The following IGF1R variants were observed in gnomAD, a reference collection of about 807,000 sequenced individuals.
The protein encoded by IGF1R is insulin-like growth factor 1 receptor.
A neutral mutation model predicts 144.6 loss-of-function variants in IGF1R; 44 were observed. That is an observed-to-expected ratio of 0.30 (90% CI 0.24 to 0.39). The LOEUF (loss-of-function observed/expected upper bound fraction) is 0.39, where lower values mean the gene tolerates loss of function less well. Ranked by LOEUF, IGF1R falls within the 10% of genes least tolerant of loss-of-function variation. The pLI is 1.00. For synonymous variants in IGF1R, 795 were observed against 722.8 expected (o/e 1.10, Z -1.60); for missense variants, 1,355 against 1,833.7 (o/e 0.74, Z 4.77).
intron 15 of IGF1R, among the ~76,000 whole-genome samples, chr15:98,933,499 A>G (rs1034254446): frequency 1.8e-4 from 28 of 151,806 alleles, no homozygotes; most frequent in Non-Finnish European, 3.8e-4. Flanking sequence ...GTGTGCCATC[A>G]CACCTGGCTA....
chr15:98,740,627 A>G (rs2054715765), intron 2 of IGF1R, among the ~76,000 whole-genome samples: 1 of 152,228 alleles, frequency 6.6e-6, no homozygotes, highest in Non-Finnish European at 1.5e-5. Flanking sequence ...GAAATGTTTT[A>G]TTAACAATAA....
At chr15:98,932,670 T>C (rs2015990134) in intron 15 of IGF1R, among the ~76,000 whole-genome samples, 1 of 152,208 alleles carries the variant, frequency 6.6e-6, no homozygotes, top group African/African-American at 2.4e-5. Flanking sequence ...CTGAGGCGCA[T>C]TGTGAAGAGC....
At chr15:98,761,770 T>A (rs1261971083) in intron 2 of IGF1R, among the ~76,000 whole-genome samples, 4 of 152,230 alleles carry the variant, frequency 2.6e-5, no homozygotes, top group Non-Finnish European at 4.4e-5. Context: ...CTCCATCCTT[T>A]CAGGTCCCAT....
intron 1 of IGF1R, among the ~76,000 whole-genome samples, chr15:98,650,469 C>A (rs1431891999): frequency 6.6e-6 from 1 of 152,222 alleles, no homozygotes; most frequent in Non-Finnish European, 1.5e-5. Context: ...GCCACTGGGT[C>A]CCCAGTTCAG....
intron 3 of IGF1R, among the ~76,000 whole-genome samples, chr15:98,892,015 G>A (rs1318275291): frequency 6.6e-6 from 1 of 152,162 alleles, no homozygotes. Flanking sequence ...GCCAGGTGAG[G>A]CTTTGGAAGT....
At position 98,916,811 on chromosome 15, in the gene IGF1R, G is replaced by A. The variant is rs2015273181; in HGVS notation, c.2136G>A (p.Glu712=). 20 of 1,614,000 alleles carry A rather than the reference G, an allele frequency of 1.2e-5. No individual in the cohort carries two copies. Among genetic ancestry groups the A allele is most frequent in the Non-Finnish European group, 1.5e-5 (18 of 1,180,044 alleles). ...CPKTEAEKQA[E]KEEAEYRKVF... is the part of the protein sequence containing the mutation. The stretch of plus-strand genomic sequence containing the variant: ...AAACTGAAGCCGAGAAGCAGGCCGA[G>A]AAGGAGGAGGCTGAATACCGCAAAG... Residue 712 remains glutamate, a synonymous_variant, in exon 10 of 21, where the codon GAG becomes GAA. Transcript: ENST00000650285.
chr15:98,725,752 T>C (rs2054342597), intron 2 of IGF1R, among the ~76,000 whole-genome samples: 1 of 152,222 alleles, frequency 6.6e-6, no homozygotes, highest in African/African-American at 2.4e-5. Flanking sequence ...AGGTTTTAAT[T>C]GGACTTACAA....
chr15:98,714,038 A>G (rs1260006626), intron 2 of IGF1R, among the ~76,000 whole-genome samples: 1 of 152,202 alleles, frequency 6.6e-6, no homozygotes, highest in African/African-American at 2.4e-5. Context: ...TTGCCCTCAA[A>G]ATGAGAAACC....
intron 2 of IGF1R, among the ~76,000 whole-genome samples, chr15:98,875,819 ACT>A (rs1329487053): frequency 2.0e-5 from 3 of 152,018 alleles, no homozygotes; most frequent in Middle Eastern, 3.4e-3. Flanking sequence ...CGGTGCTAGG[ACT>A]CTCTAAGCGT....
At chr15:98,671,752 T>TC (rs2052898660) in intron 1 of IGF1R, among the ~76,000 whole-genome samples, 1 of 152,174 alleles carries the variant, frequency 6.6e-6, no homozygotes, top group Admixed American at 6.6e-5. Context: ...TAGACTTTTT[T>TC]CTCTTTTGCT....
intron 1 of IGF1R, among the ~76,000 whole-genome samples, chr15:98,670,084 G>C (rs1054142044): frequency 6.6e-6 from 1 of 152,048 alleles, no homozygotes; most frequent in Non-Finnish European, 1.5e-5. Context: ...TTGGATGTTC[G>C]GGGACCTGCA....
chr15:98,723,313 C>G (rs1360270601), intron 2 of IGF1R, among the ~76,000 whole-genome samples: 1 of 152,188 alleles, frequency 6.6e-6, no homozygotes, highest in Non-Finnish European at 1.5e-5. Flanking sequence ...CTCCTTGTCT[C>G]TTCTGTCCTC....
At chr15:98,902,107 A>G (rs2014508984) in intron 5 of IGF1R, among the ~76,000 whole-genome samples, 1 of 152,042 alleles carries the variant, frequency 6.6e-6, no homozygotes, top group South Asian at 2.1e-4. Flanking sequence ...GCTACACATT[A>G]TGGAATCATT....
chr15:98,844,957 G>A (rs935685590), intron 2 of IGF1R, among the ~76,000 whole-genome samples: 11 of 152,122 alleles, frequency 7.2e-5, no homozygotes, highest in Admixed American at 7.2e-4. Context: ...AGACCTCTGA[G>A]ATAGCTGAGA....
At position 98,891,407 on chromosome 15, in the gene IGF1R, G is replaced by T; in HGVS notation, c.723G>T (p.Ala241=). 1.2e-6 allele frequency: 2 copies of T among 1,613,288 alleles called. No homozygotes were observed. The highest frequency in any genetic ancestry group is 1.7e-6 in the Non-Finnish European group (2 of 1,180,014). The change falls in exon 3 of 21, where the codon GCG becomes GCT. Residue 241 remains alanine (A), a synonymous_variant. Coordinates refer to ENST00000650285, the MANE Select transcript of IGF1R (RefSeq NM_000875.5). The surrounding 1 kb of genome is among the most constrained non-coding windows in gnomAD (Gnocchi z 4.7). ...CHPECLGSCS[A]PDNDTACVAC... is the part of the protein sequence containing the mutation. ...CCGAGTGCCTGGGCAGCTGCAGCGCGCCTGACAACGACACGGCCTGTGTAG... is the reference window on the plus strand; with the variant it reads ...CCGAGTGCCTGGGCAGCTGCAGCGCTCCTGACAACGACACGGCCTGTGTAG...
At chr15:98,749,391 A>G (rs115922593) in intron 2 of IGF1R, among the ~76,000 whole-genome samples, 155 of 152,270 alleles carry the variant, frequency 1.0e-3, no homozygotes, top group African/African-American at 3.5e-3. Flanking sequence ...CATTTAATCA[A>G]GTTTAAACAA....
intron 20 of IGF1R, among the ~76,000 whole-genome samples, chr15:98,956,255 A>G (rs2016978258): frequency 6.6e-6 from 1 of 152,232 alleles, no homozygotes; most frequent in African/African-American, 2.4e-5. Flanking sequence ...GTCGGAGCCC[A>G]GCCGATGCGA....
At chr15:98,944,026 A>G (rs1006795661) in intron 19 of IGF1R, among the ~76,000 whole-genome samples, 5 of 152,332 alleles carry the variant, frequency 3.3e-5, no homozygotes, top group East Asian at 1.9e-4. Context: ...CTGTTTTGCA[A>G]TCAGCTTGTC....
intron 2 of IGF1R, among the ~76,000 whole-genome samples, chr15:98,768,078 C>T (rs1345319299): frequency 1.3e-5 from 2 of 152,084 alleles, no homozygotes; most frequent in African/African-American, 4.8e-5. Context: ...AGTTAGTAAG[C>T]TAACTTGCTA....
Sources: allele counts gnomAD v4.1 joint callset (sites outside exome capture counted in the v4.1 genomes callset), GRCh38; gene constraint gnomAD v4.1.1; non-coding constraint Gnocchi (gnomAD v3.1); transcripts MANE v1.5; gene names NCBI Gene and HGNC (gene_info 2026-07-23, HGNC 2026-07-21).